The following TMEM38B variants were observed in gnomAD, a reference collection of about 807,000 sequenced individuals.
TMEM38B encodes trimeric intracellular cation channel type B.
TMEM38B carries 24 observed loss-of-function variants against 28.7 expected under a neutral mutation model. That is an observed-to-expected ratio of 0.84 (90% confidence interval 0.61 to 1.18). TMEM38B has a LOEUF of 1.18. Among genes scored for constraint, TMEM38B ranks in the 50% most tolerant of loss-of-function variants. TMEM38B has a pLI of 0.00. For missense variants in TMEM38B, 380 were observed against 350.9 expected (o/e 1.08, Z -0.66); for synonymous variants, 131 against 127.7 (o/e 1.03, Z -0.17).
At chr9:105,704,795 G>A (rs1835596318) in intron 1 of TMEM38B, among the ~76,000 whole-genome samples, 1 of 152,028 alleles carries the variant, frequency 6.6e-6, no homozygotes, top group Admixed American at 6.6e-5. Context: ...GTGGTGGCAG[G>A]TGCCTGTAGT....
intron 4 of TMEM38B, among the ~76,000 whole-genome samples, chr9:105,726,442 C>T (rs571031843): frequency 6.6e-6 from 1 of 152,068 alleles, no homozygotes; most frequent in Non-Finnish European, 1.5e-5. Context: ...TAAACACACA[C>T]ATTAGCCTCG....
At position 105,751,795 on chromosome 9, in the gene TMEM38B, C is replaced by T. The variant is rs569319241; in HGVS notation, c.660+3605C>T. Among the ~76,000 whole-genome samples, 17 of 152,246 alleles carry T rather than the reference C, an allele frequency of 1.1e-4. No individual in the cohort carries two copies. The East Asian group carries it at 2.1e-3, about 19-fold the overall frequency. ...ACAAACAGTCCAGATGAGGAAGGGT[C>T]CCCCACAATGCAGCACAGCTGCCTT... On this transcript the variant is annotated intron_variant, in intron 5 of 5. Transcript: ENST00000374692.
intron 1 of TMEM38B, among the ~76,000 whole-genome samples, chr9:105,695,852 T>G (rs561398748): frequency 1.3e-4 from 20 of 152,226 alleles, no homozygotes; most frequent in Non-Finnish European, 2.6e-4. Flanking sequence ...TTGACCTGGA[T>G]GAGGATGGTA....
intron 4 of TMEM38B, among the ~76,000 whole-genome samples, chr9:105,741,804 A>G (rs921587296): frequency 4.6e-5 from 7 of 152,332 alleles, no homozygotes; most frequent in Non-Finnish European, 8.8e-5. Context: ...CCAGGACTCA[A>G]TCATTTGGGA....
chr9:105,727,858 G>A (rs1234060463), intron 4 of TMEM38B, among the ~76,000 whole-genome samples: 1 of 152,078 alleles, frequency 6.6e-6, no homozygotes, highest in African/African-American at 2.4e-5. Context: ...TGTTCACTGA[G>A]TTCACACAAG....
chr9:105,765,066 T>C (rs1240332898), intron 5 of TMEM38B, among the ~76,000 whole-genome samples: 2 of 152,184 alleles, frequency 1.3e-5, no homozygotes, highest in Non-Finnish European at 2.9e-5. Flanking sequence ...CCTTACACCT[T>C]ATACAAAAAT....
At chr9:105,771,704 G>T (rs1181409089) in intron 5 of TMEM38B, among the ~76,000 whole-genome samples, 1 of 152,044 alleles carries the variant, frequency 6.6e-6, no homozygotes, top group African/African-American at 2.4e-5. Flanking sequence ...TCCAATAATG[G>T]CATAAACTTG....
intron 2 of TMEM38B, among the ~76,000 whole-genome samples, chr9:105,711,207 G>A (rs750060045): frequency 2.6e-4 from 39 of 152,046 alleles, no homozygotes; most frequent in South Asian, 2.1e-4. Context: ...TTGGGAGGCC[G>A]AGGTGGGCGG....
At chr9:105,751,338 C>G (rs1837641994) in intron 5 of TMEM38B, among the ~76,000 whole-genome samples, 3 of 152,176 alleles carry the variant, frequency 2.0e-5, no homozygotes, top group Non-Finnish European at 4.4e-5. Context: ...TGCAACCTTG[C>G]CCAGGGAACC....
intron 1 of TMEM38B, among the ~76,000 whole-genome samples, chr9:105,698,302 T>G (rs1186825418): frequency 6.6e-6 from 1 of 152,180 alleles, no homozygotes; most frequent in African/African-American, 2.4e-5. Flanking sequence ...CTGATATTCC[T>G]GAATTTAATG....
chr9:105,699,061 C>T (rs1299311858), intron 1 of TMEM38B, among the ~76,000 whole-genome samples: 3 of 152,030 alleles, frequency 2.0e-5, no homozygotes, highest in African/African-American at 7.2e-5. Context: ...ATCTTAATCA[C>T]TTTATGTCCT....
At position 105,705,650 on chromosome 9, in the gene TMEM38B, C is replaced by T. The variant is rs1035539738; in HGVS notation, c.166C>T (p.Leu56Phe). The T allele has an allele frequency of 6.2e-7, 1 of 1,613,956 alleles. No individual in the cohort carries two copies. Among genetic ancestry groups the T allele is most frequent in the Non-Finnish European group, 8.5e-7 (1 of 1,180,018 alleles). Residue 56 changes from leucine to phenylalanine, a missense_variant, in exon 2 of 6, where the codon CTC (leucine) becomes TTC (phenylalanine). Transcript: ENST00000374692. ...NPISSWFTAMLHCFGGGILSC... is the reference protein window; with the variant it reads ...NPISSWFTAMFHCFGGGILSC... The stretch of plus-strand genomic sequence containing the variant: ...TATTTCAAGCTGGTTTACTGCTATG[C>T]TCCACTGTTTTGGTGGAGGAATTTT...
intron 2 of TMEM38B, among the ~76,000 whole-genome samples, chr9:105,713,238 G>A (rs892737024): frequency 3.3e-5 from 5 of 152,164 alleles, no homozygotes; most frequent in African/African-American, 1.2e-4. Flanking sequence ...GCCGCTCCAC[G>A]GAGCAGGCAG....
At chr9:105,719,452 A>G (rs1010167661) in intron 2 of TMEM38B, among the ~76,000 whole-genome samples, 2 of 152,172 alleles carry the variant, frequency 1.3e-5, no homozygotes, top group African/African-American at 4.8e-5. Context: ...GGGATTTATT[A>G]AAAGAATTTT....
rs1482106644 is a variant in TMEM38B at position 105,758,385 on chromosome 9, A to G, written c.660+10195A>G. On this transcript the variant is annotated intron_variant, in intron 5 of 5. Transcript: ENST00000374692. ...ATTCTGCTACTTATGGAATGAAATT[A>G]CCACATCTTTTCGAGCAGGAATGCC... 19 of 1,289,528 alleles carry G rather than the reference A, an allele frequency of 1.5e-5. No individual in the cohort carries two copies. The East Asian group carries it at 1.8e-4, about 12-fold the overall frequency. The allele number at this position is 1,289,528 out of a possible 1,614,324, so 79.9% of individuals were successfully genotyped here. A position where few individuals can be genotyped will look rare whatever the true frequency, so the allele number is the denominator to read the frequency against.
intron 5 of TMEM38B, among the ~76,000 whole-genome samples, chr9:105,765,413 A>G (rs1338711983): frequency 6.6e-6 from 1 of 152,184 alleles, no homozygotes; most frequent in Non-Finnish European, 1.5e-5. Context: ...AGTTTTGACA[A>G]ATTTGTATAC....
chr9:105,773,997 A>C lies in TMEM38B; in HGVS notation c.793A>C (p.Asn265His). The change falls in exon 6 of 6, where the codon AAT becomes CAT. Residue 265 changes from asparagine (N) to histidine (H), a missense_variant. Coordinates refer to ENST00000374692, the MANE Select transcript of TMEM38B (RefSeq NM_018112.3). ...GAAAAGTGAAGCAAAGTCACCTTCC[A>C]ATGGCGTTGGGTCATTGGCCTCAAA... ...EKKSEAKSPS[N>H]GVGSLASKPV... 14 of 1,613,842 alleles carry C rather than the reference A, an allele frequency of 8.7e-6. No individual in the cohort carries two copies. The highest frequency in any genetic ancestry group is 1.2e-5 in the Non-Finnish European group (14 of 1,179,820).
At chr9:105,726,942 C>T (rs1330055277) in intron 4 of TMEM38B, among the ~76,000 whole-genome samples, 1 of 151,672 alleles carries the variant, frequency 6.6e-6, no homozygotes, top group Non-Finnish European at 1.5e-5. Context: ...TTAGCTATAC[C>T]TCCTTGAATT....
At chr9:105,698,168 C>G (rs115085698) in intron 1 of TMEM38B, among the ~76,000 whole-genome samples, 1,626 of 150,262 alleles carry the variant, frequency 0.011, 28 homozygotes, top group African/African-American at 0.038. Flanking sequence ...TTCTTTATGG[C>G]TTAAGTTTGT....
Sources: gnomAD v4.1 joint callset for allele counts (sites outside exome capture counted in the v4.1 genomes callset) on GRCh38, gnomAD v4.1.1 for gene constraint, MANE v1.5 for transcripts, NCBI Gene and HGNC (gene_info 2026-07-23, HGNC 2026-07-21) for gene names.